RCBTB2: variants seen among roughly 807,000 people sequenced by gnomAD.
The protein encoded by RCBTB2 is RCC1 and BTB domain-containing protein 2.
A neutral mutation model predicts 65.4 loss-of-function variants in RCBTB2; 55 were observed. The ratio of observed to expected loss-of-function variants is 0.84; its 90% CI spans 0.68 to 1.05. RCBTB2 has a LOEUF of 1.05. Among genes scored for constraint, RCBTB2 ranks in the 50% least tolerant of loss-of-function variants. The probability of loss-of-function intolerance (pLI) is 0.00; values close to 1 mark genes in which losing one functional copy is unlikely to be tolerated. For missense variants in RCBTB2, 599 were observed against 680.1 expected (o/e 0.88, Z 1.33); for synonymous variants, 220 against 255.2 (o/e 0.86, Z 1.31).
chr13:48,535,828 C>T, upstream of RCBTB2: 1 of 450,066 alleles, frequency 2.2e-6, no homozygotes, highest in South Asian at 1.6e-5. Context: ...ACTTCTCCAG[C>T]CATTGGCATA....
rs557893063 is a variant in RCBTB2, at chr13:48,501,563, C to T, written c.1244+179G>A. Among the ~76,000 whole-genome samples, 4 of 152,320 alleles carry T rather than the reference C, an allele frequency of 2.6e-5. No individual in the cohort carries two copies. In the South Asian group the frequency reaches 6.2e-4, roughly 24 times the overall value. Reference sequence around the variant, plus strand: ...CCTATGGTACTGGTTCCCGGAACCACACAACCTGTGTTATTTCTTGTTTCA... The same window carrying T: ...CCTATGGTACTGGTTCCCGGAACCATACAACCTGTGTTATTTCTTGTTTCA... On this transcript the variant is annotated intron_variant, in intron 12 of 14. Transcript: ENST00000344532.
At chr13:48,518,458 C>CAAAAAA (rs58455074) in intron 4 of RCBTB2, among the ~76,000 whole-genome samples, 39 of 98,410 alleles carry the variant, frequency 4.0e-4, no homozygotes, top group African/African-American at 1.4e-3. Context: ...GAGTACTTTG[C>CAAAAAA]AAAAAAAAAA....
Position 48,490,248 on chromosome 13 carries a change from A to C in RCBTB2, c.1519T>G (p.Leu507Val). Residue 507 changes from leucine (L) to valine (V), a missense_variant, in exon 15 of 15, where the codon TTA becomes GTA. Leu to Val is a conservative substitution (Grantham distance 32). Transcript: ENST00000344532. ...CAAAACCTGAAGCAGAATTCTTCTA[A>C]ATCCTAGGAACAACAACAAAGATGG... Reference protein sequence around the residue: ...SAAVKYDAQDLEEFCFRFCIN... With the variant: ...SAAVKYDAQDVEEFCFRFCIN... The C allele has an allele frequency of 6.2e-7, 1 of 1,612,042 alleles. No individual in the cohort carries two copies. The highest frequency in any genetic ancestry group is 8.5e-7 in the Non-Finnish European group (1 of 1,178,594).
At chr13:48,499,578 T>A (rs772373184) in intron 13 of RCBTB2, 43 bp downstream of exon 13, 1 of 1,604,120 alleles carries the variant, frequency 6.2e-7, no homozygotes, top group Non-Finnish European at 8.5e-7. Context: ...CCTTGTCAGT[T>A]CCTCAACATT....
chr13:48,496,163 C>A, intron 14 of RCBTB2, 28 bp downstream of exon 14: 1 of 1,421,764 alleles, frequency 7.0e-7, no homozygotes, highest in South Asian at 1.7e-5. Flanking sequence ...CTCCAGGAGG[C>A]CGGCAGCTGG....
chr13:48,504,478 C>G (rs899381267), intron 10 of RCBTB2: 74 of 369,438 alleles, frequency 2.0e-4, no homozygotes, highest in African/African-American at 1.4e-3. Flanking sequence ...CCTTACAAAC[C>G]CTACCCATCT....
intron 4 of RCBTB2, among the ~76,000 whole-genome samples, chr13:48,521,089 T>C (rs1293573743): frequency 3.3e-5 from 5 of 152,194 alleles, no homozygotes; most frequent in African/African-American, 4.8e-5. Flanking sequence ...AAGCTGTTCC[T>C]AGGAAAAATT....
chr13:48,498,352 T>G (rs1432591486), intron 13 of RCBTB2, among the ~76,000 whole-genome samples: 32 of 152,216 alleles, frequency 2.1e-4, no homozygotes, highest in Admixed American at 2.1e-3. Flanking sequence ...ACATATAACT[T>G]TAAGTTTTTA....
In RCBTB2 at chr13:48,512,240, C is replaced by T. The variant is rs576624614; in HGVS notation, c.517-66G>A. The T allele has an allele frequency of 2.1e-6, 3 of 1,413,094 alleles. No individual in the cohort carries two copies. The South Asian group carries it at 3.8e-5, about 18-fold the overall frequency. The allele number at this position is 1,413,094 out of a possible 1,614,324, so 87.5% of individuals were successfully genotyped here. A position where few individuals can be genotyped will look rare whatever the true frequency, so the allele number is the denominator to read the frequency against. ...ATAAACTGTCTCAACTGGACACTGACATGTACTTGTGGCACCGAGTCTTTC... is the reference window on the plus strand; with the variant it reads ...ATAAACTGTCTCAACTGGACACTGATATGTACTTGTGGCACCGAGTCTTTC... On this transcript the variant is annotated intron_variant, in intron 7 of 14. Coordinates refer to ENST00000344532, the MANE Select transcript of RCBTB2 (RefSeq NM_001268.4).
intron 10 of RCBTB2, among the ~76,000 whole-genome samples, chr13:48,506,735 T>C (rs1328760189): frequency 6.6e-6 from 1 of 152,210 alleles, no homozygotes; most frequent in Admixed American, 6.5e-5. Flanking sequence ...CAGGGGAGGT[T>C]AGGGCAGCCC....
intron 1 of RCBTB2, among the ~76,000 whole-genome samples, chr13:48,525,549 T>C (rs1462645946): frequency 6.6e-6 from 1 of 151,630 alleles, no homozygotes; most frequent in African/African-American, 2.4e-5. Context: ...TCCTATTTTA[T>C]CTTGTTCAAT....
chr13:48,522,082 A>G, intron 3 of RCBTB2, 120 bp from the exon 4 acceptor site: 1 of 899,322 alleles, frequency 1.1e-6, no homozygotes, highest in Non-Finnish European at 1.7e-6. Context: ...TTGTGAAAGG[A>G]AGATAAAGGA....
rs116580952 is a variant in RCBTB2, at chr13:48,524,260, T to C, written c.-120+399A>G. 7.8e-3 allele frequency among the ~76,000 whole-genome samples: 1,190 copies of C among 152,316 alleles called. 26 individuals are homozygous for C. The highest frequency in any genetic ancestry group is 0.026 in the African/African-American group (1,084 of 41,574). On this transcript the variant is annotated intron_variant, in intron 2 of 14. Transcript: ENST00000344532. Reference sequence around the variant, plus strand: ...CACCAGGCTATTAACAATATGTTGATATATATACTTAAAATAACAATTCAC... The same window carrying C: ...CACCAGGCTATTAACAATATGTTGACATATATACTTAAAATAACAATTCAC...
rs891652464 is a variant in RCBTB2, at chr13:48,521,143, T to C, written c.42+755A>G. On this transcript the variant is annotated intron_variant, in intron 4 of 14. Coordinates refer to ENST00000344532, the MANE Select transcript of RCBTB2 (RefSeq NM_001268.4). Reference sequence around the variant, plus strand: ...ATTTTTGTAGGACTCTCGAGTTCTATACATTACTTTTGTAAACTACTTTTG... The same window carrying C: ...ATTTTTGTAGGACTCTCGAGTTCTACACATTACTTTTGTAAACTACTTTTG... Among the ~76,000 whole-genome samples, 6 of 152,226 alleles carry C rather than the reference T, an allele frequency of 3.9e-5. No individual in the cohort carries two copies. In the East Asian group the frequency reaches 1.2e-3, roughly 29 times the overall value.
At chr13:48,524,594 T>C (rs1015432313) in intron 2 of RCBTB2, 65 bp downstream of exon 2, 9 of 152,338 alleles carry the variant, frequency 5.9e-5, no homozygotes, top group Non-Finnish European at 1.3e-4. Context: ...TTTTCTTGTG[T>C]ACATTCTCAA....
At position 48,496,185 on chromosome 13, in the gene RCBTB2, C is replaced by G. The variant is rs1488628105; in HGVS notation, c.1515+6G>C. The G allele has an allele frequency of 6.8e-7, 1 of 1,473,936 alleles. No individual in the cohort carries two copies. Among genetic ancestry groups the G allele is most frequent in the African/African-American group, 1.4e-5 (1 of 70,384 alleles). 91.3% of individuals were successfully genotyped at this position (1,473,936 alleles called of 1,614,324 possible). A position where few individuals can be genotyped will look rare whatever the true frequency, so the allele number is the denominator to read the frequency against. On this transcript the variant is annotated splice_donor_region_variant and intron_variant, in intron 14 of 14. Transcript: ENST00000344532. ...AGGCCGGCAGCTGGAAGCAAGCTTT[C>G]CTTACCTGTGCATCATACTTCACCG...
chr13:48,499,163 C>G (rs543275575), intron 13 of RCBTB2, among the ~76,000 whole-genome samples: 95 of 151,188 alleles, frequency 6.3e-4, no homozygotes, highest in Admixed American at 1.3e-3. Context: ...CTCTCTCTCT[C>G]TCTCTCACAC....
chr13:48,518,180 T>C lies in RCBTB2; in HGVS notation c.43-2439A>G, dbSNP rs1054142931. 2.0e-5 allele frequency among the ~76,000 whole-genome samples: 3 copies of C among 152,242 alleles called. No homozygotes were observed. In the East Asian group the frequency reaches 5.8e-4, roughly 29 times the overall value. On this transcript the variant is annotated intron_variant, in intron 4 of 14. Coordinates refer to ENST00000344532, the MANE Select transcript of RCBTB2 (RefSeq NM_001268.4). ...ATTTCTGTTGTTTGAATTGTAGTCA[T>C]TTGTTACAGCAGCACAAAGAAACTA...
intron 4 of RCBTB2, among the ~76,000 whole-genome samples, chr13:48,517,957 A>C (rs1008523547): frequency 1.3e-5 from 2 of 152,202 alleles, no homozygotes; most frequent in African/African-American, 4.8e-5. Flanking sequence ...GAGGGCACAC[A>C]GTGATGCACA....
Sources: allele counts gnomAD v4.1 joint callset (sites outside exome capture counted in the v4.1 genomes callset), GRCh38; gene constraint gnomAD v4.1.1; transcripts MANE v1.5; gene names NCBI Gene and HGNC (gene_info 2026-07-23, HGNC 2026-07-21).